Variants in CDKL5 observed in about 807,000 individuals in gnomAD.
CDKL5 encodes the protein cyclin-dependent kinase-like 5.
In CDKL5, 8 loss-of-function variants were observed where a neutral mutation model predicts 61.7. The observed-to-expected ratio is 0.13, with a 90% confidence interval of 0.08 to 0.23. CDKL5 has a LOEUF of 0.23. CDKL5 is among the 10% of genes least tolerant of loss of function. The pLI is 1.00. For missense variants in CDKL5, 440 were observed against 734.5 expected, an observed-to-expected ratio of 0.60 and a Z score of 4.63; for synonymous variants, 275 against 272.3, an observed-to-expected ratio of 1.01 and a Z score of -0.10.
chrX:18,651,264 T>TGTGTGTGTGAGAGAGA (rs1491242962), intron 21 of CDKL5, among the ~76,000 whole-genome samples: 13 of 69,012 alleles, frequency 1.9e-4, no homozygotes, highest in African/African-American at 6.9e-4. Context: ...TGTGTGTGTG[T>TGTGTGTGTGAGAGAGA]GAGAGAGAGA....
rs267608652 is a variant in CDKL5, at chrX:18,609,618, C to T, written c.2152+48C>T. 56 of 1,202,397 alleles carry T rather than the reference C, an allele frequency of 4.7e-5. No homozygotes were observed. The highest frequency in any genetic ancestry group is 6.2e-5 in the Non-Finnish European group (55 of 891,851). ...ACAGGTTCCCCTCTCCTCCCTCTCT[C>T]ACTTTATGTGCACACTGCTTTCACC... On this transcript the variant is annotated intron_variant, in intron 14 of 17. Transcript: ENST00000623535.
intron 1 of CDKL5, among the ~76,000 whole-genome samples, chrX:18,446,534 T>C (rs1293332304): frequency 1.8e-5 from 2 of 112,105 alleles, no homozygotes; most frequent in African/African-American, 6.5e-5. Flanking sequence ...CAGGTGAGCC[T>C]GAGGAGTCTG....
In CDKL5 at chrX:18,650,421, T is replaced by TA. The variant is rs1158418673; in HGVS notation, c.2809_2810insA (p.Cys937Ter). The TA allele has an allele frequency of 2.5e-6, 3 of 1,210,470 alleles. No homozygotes were observed. The highest frequency in any genetic ancestry group is 2.2e-6 in the Non-Finnish European group (2 of 895,155). Residue 937 changes from cysteine to a stop codon, truncating the protein, a stop_gained and frameshift_variant, in exon 21 of 22, where the codon TGC becomes TAGC. Coordinates refer to the CDKL5 transcript ENST00000379989. LOFTEE classifies it high-confidence loss of function. ...TGAATATTTTCCAGGAGAATACTTC[T>TA]GCTGTGGTGACCCAAAGAAGCCTCA...
At chrX:18,546,782 T>C (rs1272731023) in intron 3 of CDKL5, among the ~76,000 whole-genome samples, 1 of 111,489 alleles carries the variant, frequency 9.0e-6, no homozygotes. Context: ...TGAGGCCGCA[T>C]GGCAAAGCAT....
chrX:18,590,055 A>G (rs1925777815), intron 9 of CDKL5, among the ~76,000 whole-genome samples: 1 of 111,756 alleles, frequency 8.9e-6, no homozygotes, highest in African/African-American at 3.2e-5. Context: ...TCAGATGGGT[A>G]GATTGCAAAA....
At chrX:18,647,602 G>A (rs1191414957) in intron 20 of CDKL5, 1 of 359,028 alleles carries the variant, frequency 2.8e-6, no homozygotes, top group East Asian at 4.8e-5. Flanking sequence ...AACTTCACAA[G>A]GGGTGTGTGG....
intron 1 of CDKL5, among the ~76,000 whole-genome samples, chrX:18,446,525 A>C (rs974810137): frequency 1.8e-5 from 2 of 112,276 alleles, no homozygotes; most frequent in African/African-American, 6.5e-5. Context: ...TTTGTTTCCC[A>C]GGTGAGCCTG....
At chrX:18,428,868 A>G (rs767277247) in intron 1 of CDKL5, among the ~76,000 whole-genome samples, 1 of 111,624 alleles carries the variant, frequency 9.0e-6, no homozygotes, top group African/African-American at 3.3e-5. Context: ...ATGCAATTAA[A>G]AGACTACATT....
downstream of CDKL5, chrX:18,642,020 A>G (rs1220521575): frequency 3.3e-6 from 4 of 1,211,373 alleles, no homozygotes; most frequent in Non-Finnish European, 4.5e-6. Flanking sequence ...ACACTTGCTG[A>G]CGCACTCCAG....
intron 20 of CDKL5, chrX:18,647,107 G>T: frequency 9.4e-7 from 1 of 1,063,853 alleles, no homozygotes; most frequent in Non-Finnish European, 1.3e-6. Context: ...AGTAGAGACG[G>T]GGTTTCACTG....
chrX:18,632,698 CT>C lies in CDKL5; in HGVS notation c.*3942del. 1 of 753,838 alleles carries C rather than the reference CT, an allele frequency of 1.3e-6. No individual in the cohort carries two copies. 62.1% of individuals were successfully genotyped at this position (753,838 alleles called of 1,213,427 possible). ...AAGCTCAGAGCTATGCTGTCAGTCT[CT>C]AGTCACGCCATGTATTATAAAGTAT... On this transcript the variant is annotated 3_prime_UTR_variant, in exon 18 of 18. Coordinates refer to ENST00000623535, the MANE Select transcript of CDKL5 (RefSeq NM_001323289.2).
chrX:18,518,388 A>ATTTTTTTT lies in CDKL5; in HGVS notation c.99+7562_99+7569dup, dbSNP rs779361711. Reference sequence around the variant, plus strand: ...AAGTCATGTTTTCTTTTCTTTTCTTATTTTTTTTTTTTTTTTTTTTTTTTT... The same window carrying ATTTTTTTT: ...AAGTCATGTTTTCTTTTCTTTTCTTATTTTTTTTTTTTTTTTTTTTTTTTTTTTTTTTT... On this transcript the variant is annotated intron_variant, in intron 3 of 17. Coordinates refer to ENST00000623535, the MANE Select transcript of CDKL5 (RefSeq NM_001323289.2). Among the ~76,000 whole-genome samples the ATTTTTTTT allele has an allele frequency of 6.7e-3, 141 of 21,188 alleles. 16 individuals are homozygous for ATTTTTTTT. Among genetic ancestry groups the ATTTTTTTT allele is most frequent in the Non-Finnish European group, 9.5e-3 (110 of 11,617 alleles). The allele number at this position is 21,188 out of a possible 115,157, so 18.4% of individuals were successfully genotyped here.
intron 1 of CDKL5, among the ~76,000 whole-genome samples, chrX:18,471,676 G>C (rs957905115): frequency 2.7e-5 from 3 of 112,106 alleles, no homozygotes; most frequent in African/African-American, 9.7e-5. Flanking sequence ...ATGATCCACT[G>C]TGCCCAGCCT....
chrX:18,483,756 T>C (rs1409343692), intron 1 of CDKL5, among the ~76,000 whole-genome samples: 1 of 110,831 alleles, frequency 9.0e-6, no homozygotes, highest in African/African-American at 3.3e-5. Context: ...TTGAAATAAG[T>C]TTTCATCTTC....
chrX:18,552,992 T>C (rs1161922151), intron 3 of CDKL5, among the ~76,000 whole-genome samples: 1 of 111,186 alleles, frequency 9.0e-6, no homozygotes, highest in East Asian at 2.8e-4. Flanking sequence ...AAGAACCTGG[T>C]TGCTGAGGGG....
intron 1 of CDKL5, among the ~76,000 whole-genome samples, chrX:18,449,828 C>T (rs1400455937): frequency 9.4e-6 from 1 of 106,671 alleles, no homozygotes; most frequent in Non-Finnish European, 1.9e-5. Context: ...CGGAGGCTCA[C>T]TCTGTCTCCA....
chrX:18,585,706 T>G (rs750643816), intron 8 of CDKL5, among the ~76,000 whole-genome samples: 2 of 111,798 alleles, frequency 1.8e-5, no homozygotes, highest in African/African-American at 3.2e-5. Context: ...GTTGTAGGAT[T>G]ATTTTCCTTA....
chrX:18,536,541 G>A (rs1038126134), intron 3 of CDKL5, among the ~76,000 whole-genome samples: 1 of 92,221 alleles, frequency 1.1e-5, no homozygotes, highest in African/African-American at 4.1e-5. Flanking sequence ...CTGCCTCCCG[G>A]TTCAAGTGAT....
At chrX:18,643,709 A>G (rs770909709), downstream of CDKL5, among the ~76,000 whole-genome samples, 10 of 111,913 alleles carry the variant, frequency 8.9e-5, no homozygotes, top group African/African-American at 2.9e-4. Flanking sequence ...TCAGCTGTAC[A>G]TGTCTACTTA....
Sources: gnomAD v4.1 joint callset for allele counts (sites outside exome capture counted in the v4.1 genomes callset) on GRCh38, gnomAD v4.1.1 for gene constraint, MANE v1.5 for transcripts, NCBI Gene and HGNC (gene_info 2026-07-23, HGNC 2026-07-21) for gene names.